Variants in SOS2 observed in about 807,000 individuals in gnomAD.
SOS2 encodes son of sevenless homolog 2.
In SOS2, 65 loss-of-function variants were observed where a neutral mutation model predicts 148.2. That is an observed-to-expected ratio of 0.44 (90% CI 0.36 to 0.54). SOS2 has a LOEUF of 0.54. Ranked by LOEUF, SOS2 falls within the 20% of genes least tolerant of loss-of-function variation. The pLI, the probability that SOS2 is intolerant of heterozygous loss-of-function variation, is 0.00. For missense variants in SOS2, 1,341 were observed against 1,590.2 expected, an observed-to-expected ratio of 0.84 and a Z score of 2.67; for synonymous variants, 539 against 537.1, an observed-to-expected ratio of 1.00 and a Z score of -0.05.
Position 50,200,939 on chromosome 14 carries a change from T to A in SOS2, c.345+14A>T, listed in dbSNP as rs763236130. ...TAAAGAACACCCCCCAACTAATGTT[T>A]AATCTTTTGTTACCTTCAACGAAGG... On this transcript the variant is annotated intron_variant, in intron 3 of 22. Coordinates refer to ENST00000216373, the MANE Select transcript of SOS2 (RefSeq NM_006939.4). 1 of 1,612,664 alleles carries A rather than the reference T, an allele frequency of 6.2e-7. No individual in the cohort carries two copies. Among genetic ancestry groups the A allele is most frequent in the Non-Finnish European group, 8.5e-7 (1 of 1,178,998 alleles).
intron 2 of SOS2, 121 bp downstream of exon 2, chr14:50,204,163 C>CAT: frequency 1.8e-6 from 1 of 566,412 alleles, no homozygotes; most frequent in Non-Finnish European, 2.9e-6. Context: ...ACAAACTGAC[C>CAT]ATATATATCA....
intron 1 of SOS2, among the ~76,000 whole-genome samples, chr14:50,225,601 G>T (rs886620291): frequency 6.6e-6 from 1 of 152,162 alleles, no homozygotes. Flanking sequence ...AGTTCTGGCT[G>T]AACTCTTCGG....
intron 1 of SOS2, among the ~76,000 whole-genome samples, chr14:50,224,314 T>TATATACACACAC (rs1281779995): frequency 9.9e-6 from 1 of 101,020 alleles, no homozygotes; most frequent in African/African-American, 4.3e-5. Context: ...AATATATATA[T>TATATACACACAC]ACACACACAC....
At position 50,175,428 on chromosome 14, in the gene SOS2, C is replaced by CTTTTT. The variant is rs71441277; in HGVS notation, c.970-881_970-877dup. Among the ~76,000 whole-genome samples, 4 of 119,868 alleles carry CTTTTT rather than the reference C, an allele frequency of 3.3e-5. No individual in the cohort carries two copies. The East Asian group carries it at 7.5e-4, about 22-fold the overall frequency. 78.6% of individuals were successfully genotyped at this position (119,868 alleles called of 152,430 possible). On this transcript the variant is annotated intron_variant, in intron 7 of 22. Transcript: ENST00000216373. ...AGTGAACTCTCCAATAGGAGTAATA[C>CTTTTT]TTTTTTTTTTTTTTTTTTTTTTCCT...
At chr14:50,161,730 T>TA in intron 8 of SOS2, 121 bp from the exon 9 acceptor site, 2 of 765,442 alleles carry the variant, frequency 2.6e-6, no homozygotes, top group Non-Finnish European at 4.0e-6. Context: ...ATATACTTAA[T>TA]AAAAACAGCT....
At chr14:50,204,886 T>C (rs1216922653) in intron 1 of SOS2, among the ~76,000 whole-genome samples, 2 of 52,220 alleles carry the variant, frequency 3.8e-5, no homozygotes, top group Admixed American at 2.4e-4. Context: ...CCCCACCTTT[T>C]TTTCTTTTTT....
rs1374634993 is a variant in SOS2, at chr14:50,200,764, C to T, written c.345+189G>A. On this transcript the variant is annotated intron_variant, in intron 3 of 22. Coordinates refer to ENST00000216373, the MANE Select transcript of SOS2 (RefSeq NM_006939.4). Reference sequence around the variant, plus strand: ...TTTTAATATTGTTTGAAAAGCAATCCAATTTCACCAGAGCATAATCATTTT... The same window carrying T: ...TTTTAATATTGTTTGAAAAGCAATCTAATTTCACCAGAGCATAATCATTTT... Among the ~76,000 whole-genome samples the T allele has an allele frequency of 3.2e-4, 49 of 151,728 alleles. 1 individual carries two copies. The highest frequency in any genetic ancestry group is 2.9e-5 in the Non-Finnish European group (2 of 67,982).
At chr14:50,140,124 C>T (rs535775485) in intron 16 of SOS2, 65 bp from the exon 17 acceptor site, 3 of 824,776 alleles carry the variant, frequency 3.6e-6, no homozygotes, top group East Asian at 2.7e-5. Context: ...AAATGCAAAC[C>T]TTTAAATTTT....
chr14:50,181,465 G>C lies in SOS2; in HGVS notation c.859-783C>G, dbSNP rs373084146. Among the ~76,000 whole-genome samples, 456 of 148,542 alleles carry C rather than the reference G, an allele frequency of 3.1e-3. 2 individuals are homozygous for C. The highest frequency in any genetic ancestry group is 0.01 in the African/African-American group (420 of 40,432). On this transcript the variant is annotated intron_variant, in intron 6 of 22. Coordinates refer to ENST00000216373, the MANE Select transcript of SOS2 (RefSeq NM_006939.4). ...TCCATGTCAAAAAAAAAAATGATTA[G>C]AATATCAAGGCATAGTGCAAATATG...
intron 1 of SOS2, among the ~76,000 whole-genome samples, chr14:50,215,792 T>G (rs924631612): frequency 2.6e-5 from 4 of 152,232 alleles, no homozygotes; most frequent in Non-Finnish European, 5.9e-5. Flanking sequence ...CAAAAGCACT[T>G]TAACTTTTTA....
chr14:50,197,414 C>A (rs886281177), intron 4 of SOS2, among the ~76,000 whole-genome samples: 5 of 152,150 alleles, frequency 3.3e-5, no homozygotes, highest in Non-Finnish European at 7.4e-5. Flanking sequence ...TGTGTGCCAT[C>A]TGAGAAAATG....
chr14:50,208,853 A>C (rs1370014906), intron 1 of SOS2, among the ~76,000 whole-genome samples: 1 of 152,228 alleles, frequency 6.6e-6, no homozygotes, highest in East Asian at 1.9e-4. Flanking sequence ...ACAAATTTGC[A>C]GATCATCTGA....
intron 1 of SOS2, among the ~76,000 whole-genome samples, chr14:50,211,611 AATT>A (rs138456236): frequency 0.87 from 128,439 of 147,508 alleles, 55,925 homozygotes; most frequent in African/African-American, 0.95. Flanking sequence ...TTTTTTAATT[AATT>A]ATTATTATTA....
chr14:50,170,812 A>T (rs1042074242), intron 8 of SOS2, among the ~76,000 whole-genome samples: 16 of 127,234 alleles, frequency 1.3e-4, no homozygotes, highest in South Asian at 2.3e-4. Flanking sequence ...GACTATTATT[A>T]AAAAAAAAAA....
At chr14:50,168,985 G>T (rs1246613632) in intron 8 of SOS2, among the ~76,000 whole-genome samples, 1 of 152,082 alleles carries the variant, frequency 6.6e-6, no homozygotes, top group Non-Finnish European at 1.5e-5. Flanking sequence ...GAAATTAGAG[G>T]ATACCATATA....
Position 50,188,627 on chromosome 14 carries a change from C to G in SOS2, c.584G>C (p.Gly195Ala). ...SLCEDEPSSS[G>A]ELNYYDLVRT... ...GACAAGATCATAGTAGTTTAATTCA[C>G]CAGAAGAACTAGGTTCATCTTCACA... The change falls in exon 5 of 23, where the codon GGT (glycine) becomes GCT (alanine). Residue 195 changes from glycine to alanine, a missense_variant. Around this residue, in one of 4 missense-constraint regions of SOS2, gnomAD observed 574 missense variants for 711.1 expected, o/e 0.81. Coordinates refer to ENST00000216373, the MANE Select transcript of SOS2 (RefSeq NM_006939.4). 2.5e-6 allele frequency: 4 copies of G among 1,609,912 alleles called. No homozygotes were observed. Among genetic ancestry groups the G allele is most frequent in the Non-Finnish European group, 3.4e-6 (4 of 1,177,216 alleles).
Position 50,130,757 on chromosome 14 carries a change from C to G in SOS2, c.3081G>C (p.Arg1027Ser). 1 of 1,596,368 alleles carries G rather than the reference C, an allele frequency of 6.3e-7. No homozygotes were observed. The highest frequency in any genetic ancestry group is 1.3e-5 in the African/African-American group (1 of 74,194). ...GAGATTTTAAGGAAAAAGTTGATTTCCTAGGCTGAGAAAAGCAAACATAAT... is the reference window on the plus strand; with the variant it reads ...GAGATTTTAAGGAAAAAGTTGATTTGCTAGGCTGAGAAAAGCAAACATAAT... The part of the protein sequence containing the change: ...RNCKQPPRFP[R>S]KSTFSLKSPG... The change falls in exon 20 of 23, where the codon AGG (arginine) becomes AGC (serine). Residue 1027 changes from arginine (R) to serine (S), a missense_variant. This residue lies in a region of SOS2 where 408 missense variants were observed against 506.6 expected (regional missense o/e 0.81). Coordinates refer to ENST00000216373, the MANE Select transcript of SOS2 (RefSeq NM_006939.4).
At chr14:50,175,188 T>G (rs1169569781) in intron 7 of SOS2, among the ~76,000 whole-genome samples, 1 of 152,194 alleles carries the variant, frequency 6.6e-6, no homozygotes, top group African/African-American at 2.4e-5. Flanking sequence ...TACATCAAGG[T>G]ATGAGAACTT....
chr14:50,182,910 CAT>C (rs1885788300), intron 5 of SOS2, among the ~76,000 whole-genome samples: 2 of 152,174 alleles, frequency 1.3e-5, no homozygotes, highest in African/African-American at 4.8e-5. Context: ...TCGTTTTCTA[CAT>C]GTTTTTAAAT....
Sources: gnomAD v4.1 joint callset for allele counts (sites outside exome capture counted in the v4.1 genomes callset) on GRCh38, gnomAD v4.1.1 for gene constraint, gnomAD v4.1.1 regional missense constraint, MANE v1.5 for transcripts, NCBI Gene and HGNC (gene_info 2026-07-23, HGNC 2026-07-21) for gene names.